The following ULK2 variants were observed in gnomAD, a reference collection of about 807,000 sequenced individuals.
ULK2 encodes serine/threonine-protein kinase ULK2.
A neutral mutation model predicts 127.5 loss-of-function variants in ULK2; 76 were observed. The observed-to-expected ratio is 0.60, with a 90% confidence interval of 0.50 to 0.72. The LOEUF is 0.72. Ranked by LOEUF, ULK2 falls within the 30% of genes least tolerant of loss-of-function variation. ULK2 has a pLI of 0.00. For missense variants in ULK2, 1,144 were observed against 1,295.9 expected, an observed-to-expected ratio of 0.88 and a Z score of 1.80; for synonymous variants, 452 against 461.9, an observed-to-expected ratio of 0.98 and a Z score of 0.28.
chr17:19,855,083 G>C (rs941208666), intron 3 of ULK2, among the ~76,000 whole-genome samples: 1 of 125,684 alleles, frequency 8.0e-6, no homozygotes, highest in East Asian at 2.5e-4. Context: ...CTTGGCAAAA[G>C]AACAAGATTC....
intron 16 of ULK2, among the ~76,000 whole-genome samples, chr17:19,800,701 T>TA (rs1364457924): frequency 1.3e-5 from 2 of 152,150 alleles, no homozygotes; most frequent in African/African-American, 4.8e-5. Flanking sequence ...TGTTCCATCT[T>TA]AGTGTTACTT....
intron 22 of ULK2, among the ~76,000 whole-genome samples, chr17:19,783,340 A>C (rs1210162332): frequency 6.6e-6 from 1 of 151,782 alleles, no homozygotes; most frequent in Non-Finnish European, 1.5e-5. Context: ...AATCCCAGCT[A>C]CTCGTGGGGG....
chr17:19,804,141 G>A (rs2087460288), intron 15 of ULK2, among the ~76,000 whole-genome samples: 1 of 151,982 alleles, frequency 6.6e-6, no homozygotes, highest in East Asian at 1.9e-4. Flanking sequence ...CCAGCACTTT[G>A]AGAGGCTGAG....
Position 19,843,175 on chromosome 17 carries a change from C to T in ULK2, c.591G>A (p.Leu197=), listed in dbSNP as rs1452190465. Residue 197 remains leucine, a synonymous_variant, in exon 8 of 27, where the codon TTG becomes TTA. Coordinates refer to ENST00000395544, the MANE Select transcript of ULK2 (RefSeq NM_014683.4). ...MSQHYDAKAD[L]WSIGTVIYQC... ...GGTATATCACTGTTCCTATGCTCCA[C>T]AAGTCAGCCTTAGCATCATAATGTT... The T allele has an allele frequency of 6.2e-7, 1 of 1,605,164 alleles. No individual in the cohort carries two copies. The highest frequency in any genetic ancestry group is 8.5e-7 in the Non-Finnish European group (1 of 1,177,794).
At chr17:19,853,918 A>G (rs1418627582) in intron 3 of ULK2, among the ~76,000 whole-genome samples, 1 of 152,200 alleles carries the variant, frequency 6.6e-6, no homozygotes, top group East Asian at 1.9e-4. Flanking sequence ...GGATTTCAAC[A>G]TATGAATTTT....
At chr17:19,810,550 G>T in intron 13 of ULK2, 112 bp from the exon 14 acceptor site, 1 of 619,332 alleles carries the variant, frequency 1.6e-6, no homozygotes, top group African/African-American at 1.9e-5. Context: ...ATTACCATTG[G>T]CTTATGTTAT....
At position 19,804,726 on chromosome 17, in the gene ULK2, G is replaced by A. The variant is rs755186489; in HGVS notation, c.1262C>T (p.Ala421Val). 2 of 1,609,104 alleles carry A rather than the reference G, an allele frequency of 1.2e-6. No homozygotes were observed. The highest frequency in any genetic ancestry group is 1.7e-6 in the Non-Finnish European group (2 of 1,177,250). The part of the protein sequence containing the change: ...QRIEQNLTST[A>V]SSGTNVHGSP... ...ACCATGTACATTTGTGCCTGAGCTG[G>A]CAGTAGATGTAAGATTCTGCTCTAT... The change falls in exon 15 of 27, where the codon GCC (alanine) becomes GTC (valine). Residue 421 changes from alanine to valine, a missense_variant. This residue lies in a region of ULK2 where 913 missense variants were observed against 970.5 expected (regional missense o/e 0.94). Coordinates refer to ENST00000395544, the MANE Select transcript of ULK2 (RefSeq NM_014683.4).
chr17:19,818,802 T>C (rs551585069), intron 12 of ULK2, among the ~76,000 whole-genome samples: 16 of 129,962 alleles, frequency 1.2e-4, no homozygotes, highest in Non-Finnish European at 2.1e-4. Context: ...TTTTTCTTTT[T>C]TTTTTTTTTT....
At chr17:19,863,909 A>C (rs1429402628) in intron 3 of ULK2, among the ~76,000 whole-genome samples, 3 of 152,196 alleles carry the variant, frequency 2.0e-5, no homozygotes, top group Non-Finnish European at 4.4e-5. Context: ...TCTATAACCT[A>C]TAATCATAGA....
At chr17:19,783,362 G>T (rs922542728) in intron 22 of ULK2, among the ~76,000 whole-genome samples, 5 of 151,938 alleles carry the variant, frequency 3.3e-5, no homozygotes, top group Admixed American at 6.5e-5. Flanking sequence ...TGAGGCAGGA[G>T]AATTGCTTGA....
At position 19,797,611 on chromosome 17, in the gene ULK2, G is replaced by C. The variant is rs755909028; in HGVS notation, c.1594C>G (p.Leu532Val). Residue 532 changes from leucine (L) to valine (V), a missense_variant, in exon 18 of 27, where the codon CTC becomes GTC. Around this residue, in one of 2 missense-constraint regions of ULK2, gnomAD observed 913 missense variants for 970.5 expected, o/e 0.94. Coordinates refer to ENST00000395544, the MANE Select transcript of ULK2 (RefSeq NM_014683.4). ...SGARLQSAPT[L>V]TDIYQNKQKL... ...TGCTTGTTCTGATAGATGTCAGTGA[G>C]GGTGGGGGCGCTCTGCAGTCTAGCA... 18 of 1,613,462 alleles carry C rather than the reference G, an allele frequency of 1.1e-5. No homozygotes were observed. Among genetic ancestry groups the C allele is most frequent in the Non-Finnish European group, 1.5e-5 (18 of 1,179,778 alleles).
chr17:19,820,211 G>A (rs1266655321), intron 12 of ULK2, among the ~76,000 whole-genome samples: 4 of 152,014 alleles, frequency 2.6e-5, no homozygotes. Flanking sequence ...ACCACGCCCA[G>A]CTAATTTTTG....
chr17:19,824,631 C>T (rs1037005156), intron 12 of ULK2, among the ~76,000 whole-genome samples: 1 of 151,792 alleles, frequency 6.6e-6, no homozygotes, highest in African/African-American at 2.4e-5. Flanking sequence ...CACCTTAAAG[C>T]GCCAGAAATC....
rs1047752612 is a variant in ULK2, at chr17:19,773,930, C to G, written c.*2419G>C. 2 of 152,204 alleles carry G rather than the reference C, an allele frequency of 1.3e-5. No individual in the cohort carries two copies. Among genetic ancestry groups the G allele is most frequent in the Non-Finnish European group, 2.9e-5 (2 of 68,058 alleles). The allele number at this position is 152,204 out of a possible 1,614,324, so 9.4% of individuals were successfully genotyped here. On this transcript the variant is annotated 3_prime_UTR_variant, in exon 27 of 27. Transcript: ENST00000395544. ...CAACTGTTGCTCTAGTTACTTCTCTCAATGGAAGGAGGGGACAGGGACTGT... is the reference window on the plus strand; with the variant it reads ...CAACTGTTGCTCTAGTTACTTCTCTGAATGGAAGGAGGGGACAGGGACTGT...
rs919147265 is a variant in ULK2, at chr17:19,775,658, G to C, written c.*691C>G. 6.6e-6 allele frequency: 1 copy of C among 152,358 alleles called. No homozygotes were observed. The highest frequency in any genetic ancestry group is 2.4e-5 in the African/African-American group (1 of 41,372). The allele number at this position is 152,358 out of a possible 1,614,324, so 9.4% of individuals were successfully genotyped here. The stretch of plus-strand genomic sequence containing the variant: ...GGAGATTACATGTGAATTCTGGAAA[G>C]GGTCTATGTATACAATCAAGTAAAA... On this transcript the variant is annotated 3_prime_UTR_variant, in exon 27 of 27. Coordinates refer to ENST00000395544, the MANE Select transcript of ULK2 (RefSeq NM_014683.4).
At chr17:19,787,820 G>A (rs1241816835) in intron 20 of ULK2, among the ~76,000 whole-genome samples, 1 of 152,214 alleles carries the variant, frequency 6.6e-6, no homozygotes, top group Non-Finnish European at 1.5e-5. Context: ...AAGAGGGTAG[G>A]AAAGGCAGTC....
At chr17:19,843,245 G>C (rs1396536492) in intron 7 of ULK2, 23 bp from the exon 8 acceptor site, 2 of 1,472,828 alleles carry the variant, frequency 1.4e-6, no homozygotes, top group South Asian at 2.6e-5. Context: ...AAATTTAAGG[G>C]GCATGCCGTA....
At chr17:19,839,282 A>C (rs2041677425) in intron 9 of ULK2, among the ~76,000 whole-genome samples, 1 of 152,216 alleles carries the variant, frequency 6.6e-6, no homozygotes, top group South Asian at 2.1e-4. Context: ...GAGAACTAAT[A>C]CAACTTCCTA....
intron 12 of ULK2, among the ~76,000 whole-genome samples, chr17:19,817,686 A>C (rs1167367287): frequency 1.3e-5 from 2 of 152,212 alleles, no homozygotes; most frequent in African/African-American, 2.4e-5. Context: ...TTTCTACAAC[A>C]ATGAACTTCA....
Sources: gnomAD v4.1 joint callset for allele counts (sites outside exome capture counted in the v4.1 genomes callset) on GRCh38, gnomAD v4.1.1 for gene constraint, gnomAD v4.1.1 regional missense constraint, MANE v1.5 for transcripts, NCBI Gene and HGNC (gene_info 2026-07-23, HGNC 2026-07-21) for gene names.